Variants in NCK1 observed in about 807,000 individuals in gnomAD.
NCK1 encodes the protein NCK adaptor protein 1.
NCK1 carries 19 observed loss-of-function variants against 36.6 expected under a neutral mutation model. That is an observed-to-expected ratio of 0.52 (90% CI 0.36 to 0.76). The LOEUF (loss-of-function observed/expected upper bound fraction) is 0.76, where lower values mean the gene tolerates loss of function less well. Among genes scored for constraint, NCK1 ranks in the 30% least tolerant of loss-of-function variants. The pLI is 0.00. For synonymous variants in NCK1, 165 were observed against 156.0 expected (o/e 1.06, Z -0.43); for missense variants, 358 against 445.6 (o/e 0.80, Z 1.77).
chr3:136,870,169 C>A (rs1475858835), intron 1 of NCK1, among the ~76,000 whole-genome samples: 1 of 151,332 alleles, frequency 6.6e-6, no homozygotes, highest in Non-Finnish European at 1.5e-5. Context: ...TGGTGAAACC[C>A]TGTCTCTACT....
chr3:136,934,738 C>A (rs1940485221), intron 2 of NCK1, among the ~76,000 whole-genome samples: 1 of 152,144 alleles, frequency 6.6e-6, no homozygotes, highest in South Asian at 2.1e-4. Flanking sequence ...AATAACTTGA[C>A]CAAGATCACA....
In NCK1 at chr3:136,950,065, TAA is replaced by T. The variant is rs752858040; in HGVS notation, c.*1613_*1614del. 6.6e-6 allele frequency among the ~76,000 whole-genome samples: 1 copy of T among 152,120 alleles called. No individual in the cohort carries two copies. The highest frequency in any genetic ancestry group is 1.5e-5 in the Non-Finnish European group (1 of 67,948). ...TTTGTTGAGGGTAATTATTAGTAGT[TAA>T]GTTTTTAATGGAAATAAAAATCATG... On this transcript the variant is annotated 3_prime_UTR_variant, in exon 4 of 4. Coordinates refer to ENST00000481752, the MANE Select transcript of NCK1 (RefSeq NM_001291999.2).
chr3:136,945,554 C>A, intron 2 of NCK1, 29 bp from the exon 3 acceptor site: 1 of 1,357,126 alleles, frequency 7.4e-7, no homozygotes. Context: ...TTTATATTCT[C>A]CTCTCATGGC....
At chr3:136,862,405 C>G (rs1938248118) in intron 1 of NCK1, 52 bp downstream of exon 1, 1 of 152,502 alleles carries the variant, frequency 6.6e-6, no homozygotes, top group Non-Finnish European at 1.5e-5. Flanking sequence ...CTTCAGTCCG[C>G]TGTCCGTCCA....
intron 1 of NCK1, among the ~76,000 whole-genome samples, chr3:136,898,173 A>G (rs1397714931): frequency 6.6e-6 from 1 of 152,154 alleles, no homozygotes; most frequent in East Asian, 1.9e-4. Flanking sequence ...AGGCAGGCAG[A>G]TCACTTGAGG....
intron 1 of NCK1, among the ~76,000 whole-genome samples, chr3:136,926,632 C>T (rs1010124197): frequency 2.4e-4 from 37 of 152,236 alleles, no homozygotes; most frequent in African/African-American, 8.7e-4. Flanking sequence ...ATATACACTC[C>T]TCTTGCTACA....
intron 1 of NCK1, among the ~76,000 whole-genome samples, chr3:136,874,784 G>A (rs1307917626): frequency 7.0e-6 from 1 of 143,778 alleles, no homozygotes; most frequent in Non-Finnish European, 1.5e-5. Flanking sequence ...TCCTGTGGAA[G>A]ACTGAAATCT....
chr3:136,935,973 A>C (rs1940519368), intron 2 of NCK1, among the ~76,000 whole-genome samples: 1 of 151,740 alleles, frequency 6.6e-6, no homozygotes, highest in East Asian at 1.9e-4. Flanking sequence ...ATTTAGTATA[A>C]TATCTTCAAG....
intron 2 of NCK1, among the ~76,000 whole-genome samples, chr3:136,934,800 A>T (rs1159145079): frequency 6.6e-6 from 1 of 152,210 alleles, no homozygotes; most frequent in Non-Finnish European, 1.5e-5. Context: ...TAAAGTTCTC[A>T]TAGTAGATAT....
intron 1 of NCK1, among the ~76,000 whole-genome samples, chr3:136,867,797 A>G (rs1487001875): frequency 6.6e-6 from 1 of 152,208 alleles, no homozygotes; most frequent in Non-Finnish European, 1.5e-5. Context: ...TTATGAAACC[A>G]TACTACTTCT....
chr3:136,917,465 A>G (rs1294241085), intron 1 of NCK1, among the ~76,000 whole-genome samples: 1 of 152,146 alleles, frequency 6.6e-6, no homozygotes, highest in Non-Finnish European at 1.5e-5. Context: ...AACCTTCACA[A>G]TCCTTTGGGG....
intron 1 of NCK1, among the ~76,000 whole-genome samples, chr3:136,884,279 A>AAGTTGGCTGCATCCAGT (rs1939017904): frequency 1.3e-5 from 2 of 152,308 alleles, no homozygotes; most frequent in Non-Finnish European, 2.9e-5. Flanking sequence ...AGGGATGATT[A>AAGTTGGCTGCATCCAGT]AGTTGGCTGC....
chr3:136,891,097 G>A (rs1173954705), intron 1 of NCK1, among the ~76,000 whole-genome samples: 8 of 152,190 alleles, frequency 5.3e-5, no homozygotes, highest in African/African-American at 1.2e-4. Context: ...GTACTGTTCC[G>A]TTGAATCTAT....
At chr3:136,869,252 A>AT (rs1280370795) in intron 1 of NCK1, among the ~76,000 whole-genome samples, 1 of 151,218 alleles carries the variant, frequency 6.6e-6, no homozygotes, top group Admixed American at 6.6e-5. Context: ...AAAAAAAAAA[A>AT]TTTTATTTGT....
intron 1 of NCK1, among the ~76,000 whole-genome samples, chr3:136,893,178 G>GTA (rs374545343): frequency 0.019 from 652 of 34,672 alleles, 112 homozygotes; most frequent in African/African-American, 0.061. Flanking sequence ...GTGTGTGTGT[G>GTA]TATATATATA....
At chr3:136,945,306 TTA>T (rs1364012252) in intron 2 of NCK1, among the ~76,000 whole-genome samples, 4 of 152,154 alleles carry the variant, frequency 2.6e-5, no homozygotes, top group Non-Finnish European at 5.9e-5. Flanking sequence ...TAGGACAACT[TTA>T]TAATTATGTT....
intron 1 of NCK1, among the ~76,000 whole-genome samples, chr3:136,892,797 T>G (rs1458169980): frequency 1.3e-5 from 2 of 152,146 alleles, no homozygotes; most frequent in African/African-American, 4.8e-5. Flanking sequence ...AGCATGAAGA[T>G]TATACATGAG....
At chr3:136,915,704 T>C (rs28489326) in intron 1 of NCK1, among the ~76,000 whole-genome samples, 18,143 of 151,488 alleles carry the variant, frequency 0.12, 1,286 homozygotes, top group South Asian at 0.18. Context: ...AGAGTGAAGG[T>C]GAAGGTGCCA....
intron 1 of NCK1, among the ~76,000 whole-genome samples, chr3:136,891,332 G>A (rs546311594): frequency 6.6e-5 from 10 of 152,198 alleles, no homozygotes; most frequent in South Asian, 2.1e-4. Flanking sequence ...TGGGGGTTTC[G>A]CCATGTTGGT....
Sources: gnomAD v4.1 joint callset for allele counts (sites outside exome capture counted in the v4.1 genomes callset) on GRCh38, gnomAD v4.1.1 for gene constraint, MANE v1.5 for transcripts, NCBI Gene and HGNC (gene_info 2026-07-23, HGNC 2026-07-21) for gene names.